CAPN1: variants seen among roughly 807,000 people sequenced by gnomAD.
The protein encoded by CAPN1 is calpain 1.
Under a neutral mutation model 105.2 loss-of-function variants are expected in CAPN1, and 77 were observed. That is an observed-to-expected ratio of 0.73 (90% CI 0.61 to 0.88). The LOEUF is 0.88. Ranked by LOEUF, CAPN1 falls within the 40% of genes least tolerant of loss-of-function variation. The pLI is 0.00. For missense variants in CAPN1, 833 were observed against 976.6 expected, an observed-to-expected ratio of 0.85 and a Z score of 1.96; for synonymous variants, 355 against 388.8, an observed-to-expected ratio of 0.91 and a Z score of 1.02.
Position 65,185,970 on chromosome 11 carries a change from C to G in CAPN1, c.510C>G (p.Ile170Met). 6.2e-7 allele frequency: 1 copy of G among 1,600,948 alleles called. No individual in the cohort carries two copies. Among genetic ancestry groups the G allele is most frequent in the Non-Finnish European group, 8.5e-7 (1 of 1,173,774 alleles). Residue 170 changes from isoleucine to methionine, a missense_variant, in exon 5 of 22, where the codon ATC becomes ATG. Physicochemically the swap from Ile to Met is conservative, Grantham distance 10. Coordinates refer to ENST00000279247, the MANE Select transcript of CAPN1 (RefSeq NM_005186.4). ...TGGTCGTGGATGACCTGCTGCCCAT[C>G]AAGGACGGGAAGCTAGTGTTCGTGC... ...VDVVVDDLLP[I>M]KDGKLVFVHS...
chr11:65,204,886 T>C, intron 11 of CAPN1, 28 bp downstream of exon 11: 3 of 1,580,864 alleles, frequency 1.9e-6, no homozygotes, highest in Non-Finnish European at 2.6e-6. Context: ...CCGGTGGATC[T>C]CACTGAGCAG....
At chr11:65,183,413 C>T (rs754369068) in intron 3 of CAPN1, 61 bp from the exon 4 acceptor site, 16 of 1,347,224 alleles carry the variant, frequency 1.2e-5, no homozygotes, top group Non-Finnish European at 1.7e-5. Flanking sequence ...CTCCCTAGCA[C>T]CCGCTTCCCC....
chr11:65,209,247 C>G lies in CAPN1; in HGVS notation c.1730-76C>G. 8.3e-7 allele frequency: 1 copy of G among 1,200,492 alleles called. No individual in the cohort carries two copies. The highest frequency in any genetic ancestry group is 1.5e-5 in the African/African-American group (1 of 66,932). The allele number at this position is 1,200,492 out of a possible 1,614,324, so 74.4% of individuals were successfully genotyped here. A position where few individuals can be genotyped will look rare whatever the true frequency, so the allele number is the denominator to read the frequency against. ...AGGATTTGTGCGTCCTTGACTCTGCCCCACCCAGTGCTCCCAGCAGGGGCA... is the reference window on the plus strand; with the variant it reads ...AGGATTTGTGCGTCCTTGACTCTGCGCCACCCAGTGCTCCCAGCAGGGGCA... On this transcript the variant is annotated intron_variant, in intron 16 of 21. Transcript: ENST00000279247. This position sits in a 1 kb window ranked among gnomAD's most constrained non-coding sequence, Gnocchi z 4.1.
chr11:65,187,348 C>A (rs1197209021), intron 7 of CAPN1, 50 bp downstream of exon 7: 4 of 1,268,486 alleles, frequency 3.2e-6, no homozygotes, highest in Non-Finnish European at 4.5e-6. Flanking sequence ...TGCCCCCTGG[C>A]CTGTCCTTGC....
chr11:65,189,472 T>A (rs559720182), intron 10 of CAPN1, among the ~76,000 whole-genome samples: 19 of 152,174 alleles, frequency 1.2e-4, no homozygotes, highest in Non-Finnish European at 2.8e-4. Flanking sequence ...GCACCAGAGC[T>A]GCCTTGTCTT....
chr11:65,186,212 A>T lies in CAPN1; in HGVS notation c.633A>T (p.Ser211=). Reference sequence around the variant, plus strand: ...AGGCCCTGTCAGGGGGCAGCACCTCAGAGGGCTTTGAGGACTTCACAGGCG... The same window carrying T: ...AGGCCCTGTCAGGGGGCAGCACCTCTGAGGGCTTTGAGGACTTCACAGGCG... ...SYEALSGGST[S]EGFEDFTGGV... Residue 211 remains serine, a synonymous_variant, in exon 6 of 22, where the codon TCA becomes TCT. Coordinates refer to ENST00000279247, the MANE Select transcript of CAPN1 (RefSeq NM_005186.4). 1.9e-6 allele frequency: 3 copies of T among 1,613,718 alleles called. No individual in the cohort carries two copies. Among genetic ancestry groups the T allele is most frequent in the Non-Finnish European group, 2.5e-6 (3 of 1,179,766 alleles).
intron 7 of CAPN1, 65 bp downstream of exon 7, chr11:65,187,363 C>A: frequency 9.1e-7 from 1 of 1,103,802 alleles, no homozygotes; most frequent in Non-Finnish European, 1.4e-6. Context: ...CCTTGCCTCT[C>A]TGGCACCTGA....
rs1411611765 is a variant in CAPN1 at position 65,188,000 on chromosome 11, C to A, written c.889C>A (p.Pro297Thr). The change falls in exon 8 of 22, where the codon CCC (proline) becomes ACC (threonine). Residue 297 changes from proline to threonine, a missense_variant. Transcript: ENST00000279247. ...GGTGAGCCTGATCCGGATGCGGAAC[C>A]CCTGGGGCGAGGTGGAGTGGACGGG... ...QVVSLIRMRN[P>T]WGEVEWTGAW... 2.6e-6 allele frequency: 4 copies of A among 1,561,912 alleles called. No homozygotes were observed. The highest frequency in any genetic ancestry group is 1.4e-5 in the African/African-American group (1 of 73,328).
At chr11:65,189,889 T>C (rs1948695226) in intron 10 of CAPN1, among the ~76,000 whole-genome samples, 1 of 152,200 alleles carries the variant, frequency 6.6e-6, no homozygotes, top group Non-Finnish European at 1.5e-5. Flanking sequence ...ACTCTCACCT[T>C]CGGGCCTGGC....
chr11:65,199,630 A>C (rs950693185), intron 10 of CAPN1, among the ~76,000 whole-genome samples: 1 of 151,994 alleles, frequency 6.6e-6, no homozygotes, highest in African/African-American at 2.4e-5. Flanking sequence ...GTGTCTCTGG[A>C]TTGCATTCTG....
Position 65,209,716 on chromosome 11 carries a change from T to C in CAPN1, c.1795-133T>C. On this transcript the variant is annotated intron_variant, in intron 17 of 21. Coordinates refer to ENST00000279247, the MANE Select transcript of CAPN1 (RefSeq NM_005186.4). This position sits in a 1 kb window ranked among gnomAD's most constrained non-coding sequence, Gnocchi z 4.1. ...AGCCCGGCTGTGGGCTGACTGTACA[T>C]GGCTTTTGCTGCTTCTCCTCACCCA... 5.9e-6 allele frequency: 5 copies of C among 848,282 alleles called. No homozygotes were observed. Among genetic ancestry groups the C allele is most frequent in the Non-Finnish European group, 9.5e-6 (5 of 525,544 alleles). 52.5% of individuals were successfully genotyped at this position (848,282 alleles called of 1,614,324 possible).
chr11:65,188,563 C>A lies in CAPN1; in HGVS notation c.1005-23C>A. The A allele has an allele frequency of 6.2e-7, 1 of 1,613,946 alleles. No homozygotes were observed. ...CTCTGTGCCCTGACGGGCTGTGCCTCACCTGTGTACCTCCCACCTCAGGAT... is the reference window on the plus strand; with the variant it reads ...CTCTGTGCCCTGACGGGCTGTGCCTAACCTGTGTACCTCCCACCTCAGGAT... On this transcript the variant is annotated intron_variant, in intron 9 of 21. Transcript: ENST00000279247. The surrounding 1 kb of genome is among the most constrained non-coding windows in gnomAD (Gnocchi z 5.5).
At chr11:65,190,776 G>A (rs890493458) in intron 10 of CAPN1, among the ~76,000 whole-genome samples, 1 of 150,894 alleles carries the variant, frequency 6.6e-6, no homozygotes. Flanking sequence ...GCAGTGGCGC[G>A]ATCTCGGCTC....
At chr11:65,202,752 G>T (rs757038096) in intron 10 of CAPN1, among the ~76,000 whole-genome samples, 1 of 151,916 alleles carries the variant, frequency 6.6e-6, no homozygotes, top group Non-Finnish European at 1.5e-5. Flanking sequence ...CATATATTAC[G>T]ATTTAAATAT....
At position 65,206,485 on chromosome 11, in the gene CAPN1, AC is replaced by A; in HGVS notation, c.1377del (p.Leu460Ter). 1 of 1,613,044 alleles carries A rather than the reference AC, an allele frequency of 6.2e-7. No individual in the cohort carries two copies. Among genetic ancestry groups the A allele is most frequent in the Non-Finnish European group, 8.5e-7 (1 of 1,179,794 alleles). On this transcript the variant is annotated frameshift_variant, in exon 13 of 22. Transcript: ENST00000279247. LOFTEE classifies it high-confidence loss of function. Reference sequence around the variant, plus strand: ...CAGCTGGTGGGCCAGCCGGCCGTACACTTGAAGCGTGACTTCTTCCTGGCCA... The same window carrying A: ...CAGCTGGTGGGCCAGCCGGCCGTACATTGAAGCGTGACTTCTTCCTGGCCA... The part of the protein sequence containing the change: ...PPELVGQPAV[H>X]LKRDFFLANA...
At chr11:65,182,538 G>A (rs1006322612) in intron 1 of CAPN1, 163 bp from the exon 2 acceptor site, 33 of 670,038 alleles carry the variant, frequency 4.9e-5, no homozygotes, top group Middle Eastern at 4.1e-4. Context: ...GGGAGCACCG[G>A]GAGGTGGCTG....
At chr11:65,198,426 G>A (rs1012852360) in intron 10 of CAPN1, among the ~76,000 whole-genome samples, 5 of 152,154 alleles carry the variant, frequency 3.3e-5, no homozygotes, top group Admixed American at 1.3e-4. Context: ...GATTACAGGC[G>A]TGAGCCACTG....
At chr11:65,186,497 C>A (rs1408049662) in intron 6 of CAPN1, among the ~76,000 whole-genome samples, 159 bp downstream of exon 6, 2 of 152,074 alleles carry the variant, frequency 1.3e-5, no homozygotes, top group Non-Finnish European at 2.9e-5. Flanking sequence ...ACTTCCACCC[C>A]CCATGCCTGG....
intron 6 of CAPN1, among the ~76,000 whole-genome samples, chr11:65,186,569 G>A (rs1948637296): frequency 6.6e-6 from 1 of 151,896 alleles, no homozygotes; most frequent in African/African-American, 2.4e-5. Flanking sequence ...GCTCTTTCCT[G>A]TGCTTGTTTT....
Sources: gnomAD v4.1 joint callset for allele counts (sites outside exome capture counted in the v4.1 genomes callset) on GRCh38, gnomAD v4.1.1 for gene constraint, Gnocchi (gnomAD v3.1) non-coding constraint, MANE v1.5 for transcripts, NCBI Gene and HGNC (gene_info 2026-07-23, HGNC 2026-07-21) for gene names.